Variants in NFIA observed in about 807,000 individuals in gnomAD.
The protein encoded by NFIA is nuclear factor 1 A-type.
In NFIA, 8 loss-of-function variants were observed where a neutral mutation model predicts 62.8. The ratio of observed to expected loss-of-function variants is 0.13; its 90% CI spans 0.07 to 0.23. NFIA has a LOEUF of 0.23. Among genes scored for constraint, NFIA ranks in the 10% least tolerant of loss-of-function variants. The pLI is 1.00. For synonymous variants in NFIA, 235 were observed against 238.1 expected (o/e 0.99, Z 0.12); for missense variants, 410 against 642.1 (o/e 0.64, Z 3.91).
At position 61,204,069 on chromosome 1, in the gene NFIA, G is replaced by T. The variant is rs1652724634; in HGVS notation, c.560-73451G>T. ...TCCGTTTCTGTAAATTCCGTGGGAT[G>T]TATTTTGCCACCAACTGCCTAGCAG... is the stretch of plus-strand genomic sequence containing the variant. On this transcript the variant is annotated intron_variant, in intron 2 of 10. Coordinates refer to ENST00000403491, the MANE Select transcript of NFIA (RefSeq NM_001134673.4). Among the ~76,000 whole-genome samples, 3 of 152,332 alleles carry T rather than the reference G, an allele frequency of 2.0e-5. No homozygotes were observed. The South Asian group carries it at 6.2e-4, about 32-fold the overall frequency.
At chr1:61,230,491 A>G (rs1654607158) in intron 2 of NFIA, among the ~76,000 whole-genome samples, 2 of 152,110 alleles carry the variant, frequency 1.3e-5, no homozygotes, top group South Asian at 2.1e-4. Context: ...TTTCATTAGC[A>G]TGCAAATTAA....
chr1:61,390,419 T>A lies in NFIA; in HGVS notation c.1075+7054T>A, dbSNP rs151337435. 2.2e-3 allele frequency among the ~76,000 whole-genome samples: 342 copies of A among 152,218 alleles called. 1 individual carries two copies. Among genetic ancestry groups the A allele is most frequent in the Middle Eastern group, 0.01 (3 of 294 alleles). On this transcript the variant is annotated intron_variant, in intron 7 of 10. Coordinates refer to ENST00000403491, the MANE Select transcript of NFIA (RefSeq NM_001134673.4). ...AAGATACACTAAAGCAATCACCATA[T>A]AAACCAAAGATTTATTGTGCAGCTT...
chr1:61,239,996 T>A (rs1655246832), intron 2 of NFIA, among the ~76,000 whole-genome samples: 1 of 152,108 alleles, frequency 6.6e-6, no homozygotes, highest in Admixed American at 6.5e-5. Flanking sequence ...TCTAGCATGG[T>A]TTACGTCATA....
intron 2 of NFIA, among the ~76,000 whole-genome samples, chr1:61,203,350 C>T (rs1419377885): frequency 1.3e-5 from 2 of 152,208 alleles, no homozygotes; most frequent in East Asian, 1.9e-4. Context: ...GCTTCAAGTG[C>T]TCTAGTGTAC....
intron 2 of NFIA, among the ~76,000 whole-genome samples, chr1:61,133,407 A>G (rs887379259): frequency 3.3e-5 from 5 of 152,174 alleles, no homozygotes; most frequent in Non-Finnish European, 7.3e-5. Flanking sequence ...ATATTAAACT[A>G]TAGTTATTAT....
At chr1:61,095,344 A>T (rs1646391664) in intron 2 of NFIA, among the ~76,000 whole-genome samples, 1 of 152,220 alleles carries the variant, frequency 6.6e-6, no homozygotes, top group Admixed American at 6.5e-5. Flanking sequence ...TTAGTAATGC[A>T]CTCTCTATTT....
chr1:61,113,455 A>C (rs2807991), intron 2 of NFIA, among the ~76,000 whole-genome samples: 2 of 151,978 alleles, frequency 1.3e-5, no homozygotes, highest in African/African-American at 2.4e-5. Context: ...ATTACTAGGC[A>C]TGGTGGCAGG....
At chr1:61,097,984 A>G (rs1646445191) in intron 2 of NFIA, among the ~76,000 whole-genome samples, 1 of 152,190 alleles carries the variant, frequency 6.6e-6, no homozygotes, top group African/African-American at 2.4e-5. Flanking sequence ...TTCAGTGTTG[A>G]GATGACATCA....
At chr1:61,432,646 T>C (rs79171759) in intron 10 of NFIA, among the ~76,000 whole-genome samples, 4 of 94,820 alleles carry the variant, frequency 4.2e-5, no homozygotes, top group African/African-American at 1.3e-4. Context: ...TATATACACA[T>C]ATATATACAT....
chr1:61,405,393 T>C (rs988598212), intron 8 of NFIA, among the ~76,000 whole-genome samples: 1 of 152,192 alleles, frequency 6.6e-6, no homozygotes, highest in Non-Finnish European at 1.5e-5. Context: ...ATTCTGATCG[T>C]CAGACGAGGT....
intron 3 of NFIA, among the ~76,000 whole-genome samples, chr1:61,290,381 TG>T (rs776597073): frequency 4.0e-4 from 61 of 152,228 alleles, no homozygotes; most frequent in Admixed American, 7.9e-4. Flanking sequence ...AATAGAAATT[TG>T]TGCCCCATTC....
intron 2 of NFIA, among the ~76,000 whole-genome samples, chr1:61,184,148 A>AC (rs1336280664): frequency 1.5e-3 from 220 of 151,664 alleles, no homozygotes; most frequent in African/African-American, 4.8e-3. Context: ...AAAAACCCAA[A>AC]AAAACAAAAC....
chr1:61,090,906 T>C (rs1646308715), intron 2 of NFIA, among the ~76,000 whole-genome samples: 1 of 152,262 alleles, frequency 6.6e-6, no homozygotes, highest in African/African-American at 2.4e-5. Context: ...AGAGACCTGT[T>C]ATTTGTGGAA....
chr1:61,229,557 A>G (rs1654540732), intron 2 of NFIA, among the ~76,000 whole-genome samples: 1 of 152,284 alleles, frequency 6.6e-6, no homozygotes, highest in African/African-American at 2.4e-5. Context: ...TCAAAGAGAA[A>G]TCAATATTGG....
At chr1:61,140,876 G>A (rs969145771) in intron 2 of NFIA, among the ~76,000 whole-genome samples, 1 of 151,800 alleles carries the variant, frequency 6.6e-6, no homozygotes, top group African/African-American at 2.4e-5. Flanking sequence ...AGAGTGTATG[G>A]TGACCACAAG....
chr1:61,383,127 G>C, intron 6 of NFIA, 110 bp from the exon 7 acceptor site: 1 of 1,355,696 alleles, frequency 7.4e-7, no homozygotes, highest in African/African-American at 1.5e-5. Flanking sequence ...TCATTCACAG[G>C]TGGATTTCTC....
At chr1:61,354,005 T>C (rs1303076718) in intron 5 of NFIA, among the ~76,000 whole-genome samples, 2 of 152,220 alleles carry the variant, frequency 1.3e-5, no homozygotes, top group African/African-American at 4.8e-5. Flanking sequence ...CAGTGATTAA[T>C]TTAAAAGTTT....
intron 3 of NFIA, among the ~76,000 whole-genome samples, chr1:61,279,648 G>A (rs1011497233): frequency 2.0e-5 from 3 of 152,156 alleles, no homozygotes; most frequent in African/African-American, 7.2e-5. Flanking sequence ...TGGACTGTAC[G>A]GGTGTGTAGT....
At position 61,332,601 on chromosome 1, in the gene NFIA, G is replaced by C. The variant is rs1407628888; in HGVS notation, c.700+15G>C. ...AGTGTCACAGAGTAAGTATAATTTT[G>C]CTTTGATTTGGTACAGATTTGCCTT... On this transcript the variant is annotated intron_variant, in intron 4 of 10. Transcript: ENST00000403491. 6.2e-7 allele frequency: 1 copy of C among 1,611,548 alleles called. No individual in the cohort carries two copies. Among genetic ancestry groups the C allele is most frequent in the Non-Finnish European group, 8.5e-7 (1 of 1,178,022 alleles).
Sources: allele counts gnomAD v4.1 joint callset (sites outside exome capture counted in the v4.1 genomes callset), GRCh38; gene constraint gnomAD v4.1.1; transcripts MANE v1.5; gene names NCBI Gene and HGNC (gene_info 2026-07-23, HGNC 2026-07-21).